The following TCF4 variants were observed in gnomAD, a reference collection of about 807,000 sequenced individuals.
The protein encoded by TCF4 is SL3-3 enhancer factor 2.
TCF4 carries 3 observed loss-of-function variants against 82.1 expected under a neutral mutation model. The ratio of observed to expected loss-of-function variants is 0.04; its 90% CI spans 0.02 to 0.09. The LOEUF is 0.09. Ranked by LOEUF, TCF4 falls within the 10% of genes least tolerant of loss-of-function variation. The pLI, the probability that TCF4 is intolerant of heterozygous loss-of-function variation, is 1.00. For missense variants in TCF4, 518 were observed against 852.7 expected (o/e 0.61, Z 4.89); for synonymous variants, 276 against 309.6 (o/e 0.89, Z 1.14).
intron 5 of TCF4, among the ~76,000 whole-genome samples, chr18:55,416,512 C>T (rs1329035048): frequency 6.6e-6 from 1 of 152,196 alleles, no homozygotes; most frequent in Non-Finnish European, 1.5e-5. Flanking sequence ...TTCAACCTCA[C>T]CTCTCTATTC....
intron 2 of TCF4, among the ~76,000 whole-genome samples, chr18:55,627,452 G>A (rs2097727559): frequency 6.6e-6 from 1 of 152,146 alleles, no homozygotes; most frequent in African/African-American, 2.4e-5. Context: ...GTGGCCACGT[G>A]TATTCAGAAG....
intron 10 of TCF4, among the ~76,000 whole-genome samples, chr18:55,273,760 G>C (rs896936750): frequency 2.6e-5 from 4 of 151,994 alleles, no homozygotes; most frequent in African/African-American, 7.2e-5. Flanking sequence ...TAGCCTACTG[G>C]GTTACTACTT....
chr18:55,294,364 T>C (rs1272482045), intron 8 of TCF4, among the ~76,000 whole-genome samples: 1 of 152,108 alleles, frequency 6.6e-6, no homozygotes, highest in Non-Finnish European at 1.5e-5. Flanking sequence ...GCAAAGATTG[T>C]GGTTTAGAGC....
At chr18:55,352,775 C>G (rs558910485) in intron 6 of TCF4, among the ~76,000 whole-genome samples, 8 of 152,170 alleles carry the variant, frequency 5.3e-5, no homozygotes, top group Non-Finnish European at 1.0e-4. Context: ...GAGTGGCATT[C>G]AAAAGTTTTT....
chr18:55,340,856 C>T (rs1452285939), intron 8 of TCF4, among the ~76,000 whole-genome samples: 1 of 152,038 alleles, frequency 6.6e-6, no homozygotes, highest in Non-Finnish European at 1.5e-5. Flanking sequence ...CATTCAAACC[C>T]CAATGAGTAC....
intron 5 of TCF4, among the ~76,000 whole-genome samples, chr18:55,455,877 G>A (rs1162227271): frequency 6.6e-5 from 10 of 152,102 alleles, no homozygotes. Context: ...GTACATTAAG[G>A]CTTCCAAAAA....
intron 2 of TCF4, among the ~76,000 whole-genome samples, chr18:55,615,354 A>G (rs1269349352): frequency 1.3e-5 from 2 of 152,192 alleles, no homozygotes; most frequent in East Asian, 1.9e-4. Context: ...TTCTTAGTAT[A>G]TAGAAATGTA....
chr18:55,457,226 AAAC>A (rs2095778334), intron 5 of TCF4, among the ~76,000 whole-genome samples: 1 of 152,212 alleles, frequency 6.6e-6, no homozygotes, highest in East Asian at 1.9e-4. Context: ...TTCTTCTTTA[AAAC>A]ACTTACAAGT....
intron 6 of TCF4, among the ~76,000 whole-genome samples, chr18:55,391,478 C>T (rs531972411): frequency 6.6e-6 from 1 of 152,018 alleles, no homozygotes; most frequent in Non-Finnish European, 1.5e-5. Context: ...CTCTCTAGGA[C>T]TCAGCCCTCC....
chr18:55,358,016 T>G (rs1478933502), intron 6 of TCF4, among the ~76,000 whole-genome samples: 1 of 152,168 alleles, frequency 6.6e-6, no homozygotes, highest in Non-Finnish European at 1.5e-5. Context: ...ATGCACAGCT[T>G]CAAGCCAGTC....
chr18:55,434,293 G>C (rs2095273162), intron 5 of TCF4, among the ~76,000 whole-genome samples: 1 of 151,984 alleles, frequency 6.6e-6, no homozygotes, highest in Non-Finnish European at 1.5e-5. Context: ...TCACTATGTA[G>C]AATTTTTTTG....
At chr18:55,405,773 G>C in intron 5 of TCF4, among the ~76,000 whole-genome samples, 1 of 152,138 alleles carries the variant, frequency 6.6e-6, no homozygotes, top group East Asian at 1.9e-4. Flanking sequence ...AGGCAGGAGG[G>C]AGAGGAGGAG....
upstream of TCF4, among the ~76,000 whole-genome samples, chr18:55,590,411 C>T (rs959945965): frequency 6.6e-5 from 10 of 152,250 alleles, no homozygotes; most frequent in Non-Finnish European, 1.0e-4. Flanking sequence ...AAAGTCTTCA[C>T]TTGGCGAAGA....
chr18:55,482,491 G>A (rs17511755), intron 3 of TCF4, among the ~76,000 whole-genome samples: 21 of 152,148 alleles, frequency 1.4e-4, no homozygotes, highest in Admixed American at 5.9e-4. Context: ...GGAAGGAGTA[G>A]AGTATACAGT....
intron 3 of TCF4, among the ~76,000 whole-genome samples, chr18:55,569,889 C>G (rs1009142366): frequency 6.6e-6 from 1 of 152,100 alleles, no homozygotes; most frequent in Non-Finnish European, 1.5e-5. Flanking sequence ...TCTCAAAGAC[C>G]TTGACAAGCT....
At chr18:55,577,677 G>C (rs7227441) in intron 3 of TCF4, among the ~76,000 whole-genome samples, 3,669 of 152,110 alleles carry the variant, frequency 0.024, 142 homozygotes, top group African/African-American at 0.082. Flanking sequence ...GGAAATTTGA[G>C]ATTAAAAACC....
intron 3 of TCF4, among the ~76,000 whole-genome samples, chr18:55,510,011 C>T (rs963363756): frequency 3.9e-5 from 6 of 152,130 alleles, no homozygotes; most frequent in African/African-American, 1.4e-4. Flanking sequence ...GAAATGAAAG[C>T]AAAACCAAAG....
intron 3 of TCF4, among the ~76,000 whole-genome samples, chr18:55,506,981 GCC>G (rs2096768553): frequency 6.6e-6 from 1 of 151,574 alleles, no homozygotes; most frequent in Non-Finnish European, 1.5e-5. Context: ...TCCTGCCTCA[GCC>G]TCCCAAGTAG....
At chr18:55,486,425 C>T (rs760467564) in intron 3 of TCF4, among the ~76,000 whole-genome samples, 12 of 152,102 alleles carry the variant, frequency 7.9e-5, no homozygotes, top group Non-Finnish European at 1.3e-4. Flanking sequence ...AATTCCATCT[C>T]TACTAAAAAT....
Sources: gnomAD v4.1 joint callset for allele counts (sites outside exome capture counted in the v4.1 genomes callset) on GRCh38, gnomAD v4.1.1 for gene constraint, MANE v1.5 for transcripts, NCBI Gene and HGNC (gene_info 2026-07-23, HGNC 2026-07-21) for gene names.